Variants in HLF observed in about 807,000 individuals in gnomAD.
The protein encoded by HLF is hepatic leukemia factor.
Under a neutral mutation model 22.6 loss-of-function variants are expected in HLF, and 3 were observed. The ratio of observed to expected loss-of-function variants is 0.13; its 90% CI spans 0.06 to 0.34. The LOEUF (loss-of-function observed/expected upper bound fraction) is 0.34. Among genes scored for constraint, HLF ranks in the 10% least tolerant of loss-of-function variants. The pLI is 1.00. For missense variants in HLF, 299 were observed against 389.2 expected (o/e 0.77, Z 1.95); for synonymous variants, 151 against 151.8 (o/e 0.99, Z 0.04).
chr17:55,289,100 T>C (rs183722964), intron 2 of HLF: 37 of 191,348 alleles, frequency 1.9e-4, no homozygotes, highest in Middle Eastern at 2.9e-3. Context: ...AGAATGCCTC[T>C]TCTCTCCATG....
chr17:55,314,000 A>G lies in HLF; in HGVS notation c.452-1227A>G, dbSNP rs73990649. Among the ~76,000 whole-genome samples the G allele has an allele frequency of 1.6e-3, 250 of 152,342 alleles. 1 individual carries two copies. The highest frequency in any genetic ancestry group is 5.4e-3 in the African/African-American group (224 of 41,568). On this transcript the variant is annotated intron_variant, in intron 2 of 3. Coordinates refer to ENST00000226067, the MANE Select transcript of HLF (RefSeq NM_002126.5). ...TGGGGTAGGTTTTAATGAAACCTAA[A>G]GAATACTTCACACATTGACCTACCA...
chr17:55,288,721 A>T (rs1392230751), intron 2 of HLF, among the ~76,000 whole-genome samples: 1 of 150,892 alleles, frequency 6.6e-6, no homozygotes, highest in Non-Finnish European at 1.5e-5. Flanking sequence ...GCGCCACTGT[A>T]CTCCAGCCTG....
intron 2 of HLF, among the ~76,000 whole-genome samples, chr17:55,313,570 A>T (rs1904936618): frequency 1.3e-5 from 2 of 152,036 alleles, no homozygotes; most frequent in Admixed American, 1.3e-4. Flanking sequence ...CATTGTAGTG[A>T]TGGGGCATTG....
At chr17:55,302,518 G>A (rs1344075611) in intron 2 of HLF, among the ~76,000 whole-genome samples, 1 of 152,116 alleles carries the variant, frequency 6.6e-6, no homozygotes. Context: ...GGGTTGGAGG[G>A]GAGGGAAGGG....
chr17:55,267,044 C>T (rs1003116805), intron 1 of HLF, among the ~76,000 whole-genome samples: 1 of 152,170 alleles, frequency 6.6e-6, no homozygotes, highest in African/African-American at 2.4e-5. Flanking sequence ...CAGTGTGCCC[C>T]AGTGGCTTTA....
intron 2 of HLF, among the ~76,000 whole-genome samples, chr17:55,307,147 C>CTTTTTTTTTTTTTTT (rs35828509): frequency 2.9e-5 from 2 of 70,124 alleles, no homozygotes; most frequent in South Asian, 6.7e-4. Context: ...TCTCAGCGGC[C>CTTTTTTTTTTTTTTT]TTTTTTTTTT....
chr17:55,268,176 C>T lies in HLF; in HGVS notation c.451+90C>T, dbSNP rs1400957591. On this transcript the variant is annotated intron_variant, in intron 2 of 3. Coordinates refer to ENST00000226067, the MANE Select transcript of HLF (RefSeq NM_002126.5). ...GAGTTAGCATAAACATCTTAACACTCAGGTTTTAGCAAAGATCCTAAGAGA... is the reference window on the plus strand; with the variant it reads ...GAGTTAGCATAAACATCTTAACACTTAGGTTTTAGCAAAGATCCTAAGAGA... The T allele has an allele frequency of 2.0e-5, 19 of 931,146 alleles. 1 individual carries two copies. The highest frequency in any genetic ancestry group is 2.7e-5 in the Non-Finnish European group (17 of 618,358). The allele number at this position is 931,146 out of a possible 1,614,324, so 57.7% of individuals were successfully genotyped here.
In HLF at chr17:55,320,894, A is replaced by G. The variant is rs754201842; in HGVS notation, c.*15A>G. Reference sequence around the variant, plus strand: ...GGCCCCTGTAGGATGGCATTTTTGCAGGCTGGCTTTGGAATAGATGGACAG... The same window carrying G: ...GGCCCCTGTAGGATGGCATTTTTGCGGGCTGGCTTTGGAATAGATGGACAG... On this transcript the variant is annotated 3_prime_UTR_variant, in exon 4 of 4. Coordinates refer to ENST00000226067, the MANE Select transcript of HLF (RefSeq NM_002126.5). This position sits in a 1 kb window ranked among gnomAD's most constrained non-coding sequence, Gnocchi z 4.2. 5.0e-6 allele frequency: 8 copies of G among 1,598,704 alleles called. No individual in the cohort carries two copies. In the East Asian group the frequency reaches 1.8e-4, roughly 36 times the overall value.
rs1904418966 is a variant in HLF, at chr17:55,303,942, A to T, written c.452-11285A>T. ...TAGTGTTTCCACAAGCTTTTATTTAATTTTTTTTTTCTTATCTGCCATCCT... is the reference window on the plus strand; with the variant it reads ...TAGTGTTTCCACAAGCTTTTATTTATTTTTTTTTTTCTTATCTGCCATCCT... On this transcript the variant is annotated intron_variant, in intron 2 of 3. Transcript: ENST00000226067. 1.3e-5 allele frequency among the ~76,000 whole-genome samples: 2 copies of T among 149,998 alleles called. 1 individual carries two copies. Among genetic ancestry groups the T allele is most frequent in the Non-Finnish European group, 3.0e-5 (2 of 67,390 alleles).
chr17:55,275,243 G>GCAC (rs907045377), intron 2 of HLF, among the ~76,000 whole-genome samples: 2 of 152,056 alleles, frequency 1.3e-5, no homozygotes, highest in African/African-American at 4.8e-5. Flanking sequence ...CTACAGGCAT[G>GCAC]CACCACCACA....
At chr17:55,265,741 A>G in intron 1 of HLF, 142 bp downstream of exon 1, 2 of 1,144,008 alleles carry the variant, frequency 1.7e-6, no homozygotes, top group Non-Finnish European at 2.3e-6. Flanking sequence ...GATGAAATTG[A>G]GGAGCTCACC....
Position 55,270,877 on chromosome 17 carries a change from C to T in HLF, c.451+2791C>T, listed in dbSNP as rs563012085. Reference sequence around the variant, plus strand: ...CGGGATGGTCTCGATCGCCTGACCTCGTGATCCGCCCGCCTCGGCCTCCCA... The same window carrying T: ...CGGGATGGTCTCGATCGCCTGACCTTGTGATCCGCCCGCCTCGGCCTCCCA... On this transcript the variant is annotated intron_variant, in intron 2 of 3. Coordinates refer to ENST00000226067, the MANE Select transcript of HLF (RefSeq NM_002126.5). 2.4e-4 allele frequency among the ~76,000 whole-genome samples: 37 copies of T among 152,106 alleles called. No individual in the cohort carries two copies. In the South Asian group the frequency reaches 4.6e-3, roughly 19 times the overall value.
intron 2 of HLF, among the ~76,000 whole-genome samples, chr17:55,313,359 C>CGTGCGTGTGT (rs113821850): frequency 1.4e-5 from 2 of 147,130 alleles, no homozygotes; most frequent in African/African-American, 2.5e-5. Flanking sequence ...GAGGTGTGTG[C>CGTGCGTGTGT]GTGTGTGTGT....
intron 2 of HLF, among the ~76,000 whole-genome samples, chr17:55,290,917 T>C (rs1038376916): frequency 6.6e-6 from 1 of 152,164 alleles, no homozygotes. Flanking sequence ...ATTGCTGATA[T>C]GAAGAAAGTT....
intron 2 of HLF, among the ~76,000 whole-genome samples, chr17:55,293,023 GGTTA>G (rs2081079118): frequency 6.6e-6 from 1 of 152,162 alleles, no homozygotes; most frequent in East Asian, 1.9e-4. Flanking sequence ...GATTTAGAGA[GGTTA>G]GTTAAGAGGT....
chr17:55,311,092 C>T (rs117844431), intron 2 of HLF, among the ~76,000 whole-genome samples: 3,819 of 152,156 alleles, frequency 0.025, 66 homozygotes, highest in Non-Finnish European at 0.039. Context: ...ATATTTAAAA[C>T]GGTAACTTTA....
chr17:55,312,821 T>C (rs1904893606), intron 2 of HLF, among the ~76,000 whole-genome samples: 1 of 152,212 alleles, frequency 6.6e-6, no homozygotes, highest in South Asian at 2.1e-4. Context: ...AATGATGCAT[T>C]CTTATATTGA....
chr17:55,306,537 A>AGTGTGTGTGTGTGT (rs60472672), intron 2 of HLF, among the ~76,000 whole-genome samples: 4,422 of 143,546 alleles, frequency 0.031, 94 homozygotes, highest in Middle Eastern at 0.059. Flanking sequence ...GCAAAAAGGA[A>AGTGTGTGTGTGTGT]GTGTGTGTGT....
chr17:55,293,358 T>C (rs983641096), intron 2 of HLF, among the ~76,000 whole-genome samples: 19 of 152,216 alleles, frequency 1.2e-4, no homozygotes, highest in African/African-American at 4.6e-4. Context: ...CGATCGCCAC[T>C]GTGCTCTGAG....
Sources: gnomAD v4.1 joint callset for allele counts (sites outside exome capture counted in the v4.1 genomes callset) on GRCh38, gnomAD v4.1.1 for gene constraint, Gnocchi (gnomAD v3.1) non-coding constraint, MANE v1.5 for transcripts, NCBI Gene and HGNC (gene_info 2026-07-23, HGNC 2026-07-21) for gene names.